Variants in SGCD observed in about 807,000 individuals in gnomAD.
The protein encoded by SGCD is delta-sarcoglycan.
In SGCD, 18 loss-of-function variants were observed where a neutral mutation model predicts 36.6. That is an observed-to-expected ratio of 0.49 (90% CI 0.34 to 0.73). SGCD has a LOEUF of 0.73. SGCD is among the 30% of genes least tolerant of loss of function. The probability of loss-of-function intolerance (pLI) is 0.01; values close to 1 mark genes in which losing one functional copy is unlikely to be tolerated. For synonymous variants in SGCD, 133 were observed against 130.6 expected (o/e 1.02, Z -0.12); for missense variants, 387 against 346.7 (o/e 1.12, Z -0.92).
intron 3 of SGCD, among the ~76,000 whole-genome samples, chr5:156,368,578 C>T (rs903604918): frequency 5.9e-5 from 9 of 152,254 alleles, no homozygotes; most frequent in East Asian, 3.9e-4. Flanking sequence ...ACTTCTGGAC[C>T]GTAGACCAGT....
chr5:156,242,479 G>T (rs1164351268), intron 3 of SGCD, among the ~76,000 whole-genome samples: 1 of 152,144 alleles, frequency 6.6e-6, no homozygotes, highest in East Asian at 1.9e-4. Flanking sequence ...CTACGCACGT[G>T]AGTACATGTA....
At chr5:156,350,919 T>TA (rs1223048496) in intron 3 of SGCD, among the ~76,000 whole-genome samples, 1 of 152,198 alleles carries the variant, frequency 6.6e-6, no homozygotes, top group Non-Finnish European at 1.5e-5. Flanking sequence ...AGCTAGTAAG[T>TA]AAAACGCTGG....
chr5:156,693,513 T>A (rs1754193971), intron 7 of SGCD, among the ~76,000 whole-genome samples: 1 of 152,112 alleles, frequency 6.6e-6, no homozygotes, highest in South Asian at 2.1e-4. Flanking sequence ...AAGGTGAAAA[T>A]GAATATGAGA....
chr5:156,301,669 T>C (rs900870663), intron 3 of SGCD, among the ~76,000 whole-genome samples: 1 of 152,162 alleles, frequency 6.6e-6, no homozygotes, highest in African/African-American at 2.4e-5. Context: ...AAGAACTCTC[T>C]TTAGCCTTTC....
chr5:156,313,541 A>T (rs893846772), intron 3 of SGCD, among the ~76,000 whole-genome samples: 2 of 152,092 alleles, frequency 1.3e-5, no homozygotes, highest in South Asian at 2.1e-4. Context: ...CAGCCTGTGC[A>T]TCTTCTCCAA....
At chr5:155,802,687 G>T in the SGCD span, among the ~76,000 whole-genome samples, 2 of 152,166 alleles carry the variant, frequency 1.3e-5, no homozygotes, top group Admixed American at 1.3e-4. Flanking sequence ...TTAGTCTTGT[G>T]TCTAAGTCAT....
chr5:156,179,469 G>A (rs954606769), intron 3 of SGCD, among the ~76,000 whole-genome samples: 3 of 151,870 alleles, frequency 2.0e-5, no homozygotes, highest in African/African-American at 7.3e-5. Context: ...TACTGAGTTT[G>A]GTATTTTAAA....
intron 7 of SGCD, among the ~76,000 whole-genome samples, chr5:156,718,916 C>T (rs1179730363): frequency 6.6e-6 from 1 of 151,710 alleles, no homozygotes; most frequent in Non-Finnish European, 1.5e-5. Flanking sequence ...GAAATAAGGC[C>T]ACAGGTCTTT....
Position 155,997,966 on chromosome 5 carries a change from C to T in SGCD, c.-281-119912C>T, listed in dbSNP as rs550404963. Among the ~76,000 whole-genome samples the T allele has an allele frequency of 1.1e-4, 16 of 152,204 alleles. No homozygotes were observed. The South Asian group carries it at 2.1e-3, about 20-fold the overall frequency. On this transcript the variant is annotated intron_variant, in intron 1 of 9. Transcript: ENST00000517913. The stretch of plus-strand genomic sequence containing the variant: ...GAACTTTCCCATTGCTTATTCATAG[C>T]GTAGATTATTTTAAATTGTGAATCC...
chr5:155,755,966 G>A, the SGCD span, among the ~76,000 whole-genome samples: 3 of 152,146 alleles, frequency 2.0e-5, no homozygotes, highest in Non-Finnish European at 4.4e-5. Context: ...TTTAAAATTA[G>A]GAATAACTTT....
At chr5:156,337,783 C>G (rs1211258264) in intron 2 of SGCD, among the ~76,000 whole-genome samples, 1 of 151,998 alleles carries the variant, frequency 6.6e-6, no homozygotes, top group African/African-American at 2.4e-5. Context: ...TTTTGAAGGC[C>G]TTTATCTCTA....
At chr5:156,417,919 CAGAAATGTTTCT>C (rs1279298362) in intron 3 of SGCD, among the ~76,000 whole-genome samples, 2 of 152,142 alleles carry the variant, frequency 1.3e-5, no homozygotes, top group Admixed American at 1.3e-4. Context: ...TCATAAGCAT[CAGAAATGTTTCT>C]AGTTTTCTCC....
chr5:156,329,946 G>C (rs540806295), intron 2 of SGCD, among the ~76,000 whole-genome samples: 1 of 150,384 alleles, frequency 6.6e-6, no homozygotes, highest in Non-Finnish European at 1.5e-5. Flanking sequence ...GAACCCGGAA[G>C]GTGGAGCTTG....
intron 1 of SGCD, among the ~76,000 whole-genome samples, chr5:155,960,313 G>A (rs1757766621): frequency 6.6e-6 from 1 of 152,072 alleles, no homozygotes; most frequent in African/African-American, 2.4e-5. Flanking sequence ...GGCACTCAAA[G>A]GACATGACAG....
intron 3 of SGCD, among the ~76,000 whole-genome samples, chr5:156,143,803 T>C (rs1173086864): frequency 6.6e-6 from 1 of 151,974 alleles, no homozygotes; most frequent in Non-Finnish European, 1.5e-5. Context: ...TTGTTACATA[T>C]GTATACATGT....
At chr5:156,553,262 A>C (rs1758869591) in intron 4 of SGCD, among the ~76,000 whole-genome samples, 1 of 152,164 alleles carries the variant, frequency 6.6e-6, no homozygotes, top group Non-Finnish European at 1.5e-5. Context: ...ATCAGTAGGG[A>C]TCACATTTCA....
At chr5:156,004,512 T>C (rs1758721558) in intron 1 of SGCD, among the ~76,000 whole-genome samples, 2 of 152,188 alleles carry the variant, frequency 1.3e-5, no homozygotes, top group African/African-American at 4.8e-5. Flanking sequence ...TGCCGCAGAC[T>C]GGAACACTGA....
intron 3 of SGCD, among the ~76,000 whole-genome samples, chr5:156,495,836 A>T (rs773739788): frequency 9.9e-5 from 15 of 152,250 alleles, no homozygotes; most frequent in Admixed American, 5.2e-4. Context: ...GCACTTTATT[A>T]TCCATCTCTC....
At chr5:155,944,716 G>A (rs536289464) in intron 1 of SGCD, among the ~76,000 whole-genome samples, 1 of 152,230 alleles carries the variant, frequency 6.6e-6, no homozygotes, top group Admixed American at 6.5e-5. Flanking sequence ...TTATCTAGTG[G>A]CAAAGACAGA....
Sources: gnomAD v4.1 joint callset for allele counts (sites outside exome capture counted in the v4.1 genomes callset) on GRCh38, gnomAD v4.1.1 for gene constraint, MANE v1.5 for transcripts, NCBI Gene and HGNC (gene_info 2026-07-23, HGNC 2026-07-21) for gene names.